Variants in PCDH15 observed in about 807,000 individuals in gnomAD.
PCDH15 encodes the protein protocadherin related 15.
PCDH15 carries 129 observed loss-of-function variants against 178.5 expected under a neutral mutation model. The ratio of observed to expected loss-of-function variants is 0.72; its 90% CI spans 0.63 to 0.84. The LOEUF is 0.84. Ranked by LOEUF, PCDH15 falls within the 40% of genes least tolerant of loss-of-function variation. PCDH15 has a pLI of 0.00. For missense variants in PCDH15, 2,230 were observed against 2,099.9 expected (o/e 1.06, Z -1.21); for synonymous variants, 800 against 732.0 (o/e 1.09, Z -1.50).
intron 2 of PCDH15, among the ~76,000 whole-genome samples, chr10:55,470,674 G>A (rs1026027017): frequency 6.6e-6 from 1 of 152,022 alleles, no homozygotes; most frequent in Non-Finnish European, 1.5e-5. Context: ...TGCACCCAAC[G>A]TGCACGGTTT....
At chr10:54,754,597 A>G (rs1309096674) in intron 1 of PCDH15, among the ~76,000 whole-genome samples, 2 of 152,178 alleles carry the variant, frequency 1.3e-5, no homozygotes, top group Non-Finnish European at 2.9e-5. Flanking sequence ...ATAAGTATTG[A>G]CACTGATATA....
chr10:54,469,082 T>C (rs1490294501), intron 3 of PCDH15, among the ~76,000 whole-genome samples: 1 of 152,184 alleles, frequency 6.6e-6, no homozygotes, highest in African/African-American at 2.4e-5. Context: ...TGAGACTTTG[T>C]AATTTTTAAA....
intron 3 of PCDH15, among the ~76,000 whole-genome samples, chr10:54,884,896 T>G (rs1430057527): frequency 6.6e-6 from 1 of 152,096 alleles, no homozygotes; most frequent in Non-Finnish European, 1.5e-5. Flanking sequence ...TTCAATTAGA[T>G]ATGAGGCTTA....
At chr10:55,264,538 A>T (rs774072787) in intron 1 of PCDH15, among the ~76,000 whole-genome samples, 7 of 152,088 alleles carry the variant, frequency 4.6e-5, no homozygotes, top group Non-Finnish European at 8.8e-5. Flanking sequence ...GGTGGAAGGG[A>T]TAGGGAGGAC....
chr10:53,879,204 G>T (rs540951097), intron 26 of PCDH15, among the ~76,000 whole-genome samples: 1 of 151,900 alleles, frequency 6.6e-6, no homozygotes, highest in Non-Finnish European at 1.5e-5. Context: ...TTTCTGAATC[G>T]TCTTTGGATC....
chr10:54,103,190 G>A (rs1408315523), intron 15 of PCDH15, among the ~76,000 whole-genome samples: 2 of 152,166 alleles, frequency 1.3e-5, no homozygotes, highest in African/African-American at 4.8e-5. Flanking sequence ...TTAGTCTTTT[G>A]TCCATTCTAC....
At chr10:55,594,085 A>G (rs1842896381) in intron 2 of PCDH15, among the ~76,000 whole-genome samples, 1 of 151,936 alleles carries the variant, frequency 6.6e-6, no homozygotes, top group African/African-American at 2.4e-5. Flanking sequence ...ATTCTTGTCA[A>G]ATCCATGTCA....
chr10:54,546,023 G>A (rs997178082), intron 2 of PCDH15, among the ~76,000 whole-genome samples: 3 of 152,228 alleles, frequency 2.0e-5, no homozygotes, highest in African/African-American at 7.2e-5. Context: ...GGGGGCAGCT[G>A]TGGTAGAGAA....
At chr10:54,134,298 C>T (rs1275399006) in intron 14 of PCDH15, among the ~76,000 whole-genome samples, 1 of 90,732 alleles carries the variant, frequency 1.1e-5, no homozygotes, top group Non-Finnish European at 2.6e-5. Flanking sequence ...CCTCCTCAAC[C>T]TCCCAAAGTG....
chr10:54,234,660 C>G (rs1391412199), intron 9 of PCDH15, among the ~76,000 whole-genome samples: 2 of 152,166 alleles, frequency 1.3e-5, no homozygotes, highest in South Asian at 2.1e-4. Context: ...ATGGACAGTA[C>G]AATTTCCAGA....
intron 1 of PCDH15, among the ~76,000 whole-genome samples, chr10:55,259,902 C>CAAAAAAAAAAAAAAAA (rs749939571): frequency 2.5e-4 from 13 of 52,012 alleles, no homozygotes; most frequent in Non-Finnish European, 4.4e-4. Context: ...AACTCCGTCT[C>CAAAAAAAAAAAAAAAA]AAAAAAAAAA....
chr10:55,233,132 T>G (rs1841273949), intron 1 of PCDH15, among the ~76,000 whole-genome samples: 1 of 152,128 alleles, frequency 6.6e-6, no homozygotes, highest in African/African-American at 2.4e-5. Context: ...GATAAAAATA[T>G]GGTATCTATA....
chr10:55,023,224 G>A (rs916490463), intron 2 of PCDH15, among the ~76,000 whole-genome samples: 3 of 152,134 alleles, frequency 2.0e-5, no homozygotes, highest in Non-Finnish European at 2.9e-5. Flanking sequence ...TTACAGGCAT[G>A]AGCCACCGCG....
At chr10:53,862,926 A>G (rs920050572) in intron 27 of PCDH15, among the ~76,000 whole-genome samples, 3 of 152,196 alleles carry the variant, frequency 2.0e-5, no homozygotes, top group African/African-American at 7.2e-5. Flanking sequence ...TACTAAGGGA[A>G]TGAATGTGAG....
chr10:54,101,656 A>G (rs2094814277), intron 15 of PCDH15, among the ~76,000 whole-genome samples: 1 of 152,210 alleles, frequency 6.6e-6, no homozygotes, highest in South Asian at 2.1e-4. Flanking sequence ...CACAACTGCT[A>G]AAAAAGAAAC....
At chr10:54,959,440 T>C (rs1026175205) in intron 2 of PCDH15, among the ~76,000 whole-genome samples, 22 of 151,946 alleles carry the variant, frequency 1.4e-4, no homozygotes, top group Admixed American at 1.3e-4. Context: ...CACAAATAGA[T>C]GTTACATCTA....
chr10:54,347,501 G>A (rs560180262), intron 5 of PCDH15, among the ~76,000 whole-genome samples: 1 of 152,214 alleles, frequency 6.6e-6, no homozygotes, highest in African/African-American at 2.4e-5. Context: ...TTTGCTCAGG[G>A]ATTTGTTCTC....
chr10:53,959,684 A>C, intron 23 of PCDH15, 48 bp downstream of exon 23: 1 of 1,428,480 alleles, frequency 7.0e-7, no homozygotes, highest in Non-Finnish European at 9.8e-7. Flanking sequence ...TCCTTTCAAA[A>C]ATGCCCTAAA....
chr10:55,344,963 C>G (rs1008295993), intron 2 of PCDH15, among the ~76,000 whole-genome samples: 10 of 151,948 alleles, frequency 6.6e-5, no homozygotes, highest in African/African-American at 2.2e-4. Flanking sequence ...TTTATCGACC[C>G]TCTTTATCTT....
Sources: allele counts gnomAD v4.1 joint callset (sites outside exome capture counted in the v4.1 genomes callset), GRCh38; gene constraint gnomAD v4.1.1; transcripts MANE v1.5; gene names NCBI Gene and HGNC (gene_info 2026-07-23, HGNC 2026-07-21).